ZZEF1: variants seen among roughly 807,000 people sequenced by gnomAD.
ZZEF1 encodes zinc finger ZZ-type and EF-hand domain containing 1, also known as zinc finger ZZ-type and EF-hand domain-containing protein 1.
In ZZEF1, 157 loss-of-function variants were observed where a neutral mutation model predicts 342.8. The ratio of observed to expected loss-of-function variants is 0.46; its 90% CI spans 0.40 to 0.52. The LOEUF (loss-of-function observed/expected upper bound fraction) is 0.52, where lower values mean the gene tolerates loss of function less well. Ranked by LOEUF, ZZEF1 falls within the 20% of genes least tolerant of loss-of-function variation. ZZEF1 has a pLI of 0.00. For synonymous variants in ZZEF1, 1,505 were observed against 1,429.1 expected (o/e 1.05, Z -1.20); for missense variants, 3,480 against 3,725.6 (o/e 0.93, Z 1.72).
chr17:4,095,176 A>G (rs1397575734), intron 11 of ZZEF1, among the ~76,000 whole-genome samples: 1 of 152,108 alleles, frequency 6.6e-6, no homozygotes, highest in East Asian at 1.9e-4. Context: ...GGGCCCATGA[A>G]GCTGCCCTCT....
chr17:4,014,397 C>T lies in ZZEF1; in HGVS notation c.8264G>A (p.Arg2755Gln), dbSNP rs368428872. ...MSSSSDFQQDRHSFSGSQQKW... is the reference protein window; with the variant it reads ...MSSSSDFQQDQHSFSGSQQKW... ...CTGCTGAGACCCGCTGAAGCTGTGT[C>T]GGTCTTGCTGGAAGTCACTGCTGCT... Residue 2755 changes from arginine to glutamine, a missense_variant, in exon 50 of 55, where the codon CGA (arginine) becomes CAA (glutamine). Transcript: ENST00000381638. The surrounding 1 kb of genome is among the most constrained non-coding windows in gnomAD (Gnocchi z 4.4). The T allele has an allele frequency of 1.9e-5, 31 of 1,614,204 alleles. No individual in the cohort carries two copies. Among genetic ancestry groups the T allele is most frequent in the Non-Finnish European group, 2.5e-5 (30 of 1,180,048 alleles).
chr17:4,099,385 T>C (rs2058089736), intron 9 of ZZEF1, among the ~76,000 whole-genome samples: 1 of 151,982 alleles, frequency 6.6e-6, no homozygotes, highest in African/African-American at 2.4e-5. Flanking sequence ...GCCCAGCTAA[T>C]TTTTTATTTC....
intron 39 of ZZEF1, among the ~76,000 whole-genome samples, chr17:4,037,354 G>A (rs1276209674): frequency 6.6e-6 from 1 of 152,230 alleles, no homozygotes; most frequent in Non-Finnish European, 1.5e-5. Flanking sequence ...AGGCTGCAAT[G>A]AGAATGCAGC....
chr17:4,034,002 G>A lies in ZZEF1; in HGVS notation c.6584+13C>T. On this transcript the variant is annotated intron_variant, in intron 40 of 54. Transcript: ENST00000381638. Reference sequence around the variant, plus strand: ...AGAGGGCAGGTGGTTAGAGGAGCGAGGACCAAGGCTACCTGTCCAGACACA... The same window carrying A: ...AGAGGGCAGGTGGTTAGAGGAGCGAAGACCAAGGCTACCTGTCCAGACACA... The A allele has an allele frequency of 6.2e-7, 1 of 1,611,862 alleles. No homozygotes were observed. Among genetic ancestry groups the A allele is most frequent in the Non-Finnish European group, 8.5e-7 (1 of 1,178,494 alleles).
chr17:4,114,764 T>C (rs988087890), intron 3 of ZZEF1, among the ~76,000 whole-genome samples: 1 of 152,192 alleles, frequency 6.6e-6, no homozygotes, highest in Non-Finnish European at 1.5e-5. Flanking sequence ...CCATCGTCTC[T>C]ATCAGTGCAA....
intron 39 of ZZEF1, among the ~76,000 whole-genome samples, chr17:4,035,674 G>A (rs777385456): frequency 3.9e-5 from 6 of 152,324 alleles, no homozygotes; most frequent in East Asian, 1.9e-4. Flanking sequence ...GCATCTGCGC[G>A]GGGAGTTCAC....
At chr17:4,094,063 G>T (rs2057992243) in intron 11 of ZZEF1, among the ~76,000 whole-genome samples, 2 of 152,080 alleles carry the variant, frequency 1.3e-5, no homozygotes, top group South Asian at 4.1e-4. Flanking sequence ...CTTAAAGCCT[G>T]GTGTGTCTCA....
chr17:4,013,720 A>G, intron 51 of ZZEF1, 106 bp from the exon 52 acceptor site: 1 of 1,246,620 alleles, frequency 8.0e-7, no homozygotes, highest in Non-Finnish European at 1.1e-6. Context: ...TCTACATTTT[A>G]TAAACTGCTC....
intron 2 of ZZEF1, among the ~76,000 whole-genome samples, chr17:4,118,034 G>A (rs2058426509): frequency 6.6e-6 from 1 of 152,148 alleles, no homozygotes; most frequent in African/African-American, 2.4e-5. Flanking sequence ...GGAAAATGAG[G>A]CTCAGGTGAC....
chr17:4,130,622 G>A (rs757612986), intron 1 of ZZEF1, among the ~76,000 whole-genome samples: 8 of 152,058 alleles, frequency 5.3e-5, no homozygotes, highest in Non-Finnish European at 1.0e-4. Flanking sequence ...GAAAGTCAGC[G>A]GGCCAGTTCA....
At chr17:4,071,588 G>C (rs1158101447) in intron 25 of ZZEF1, 1 of 152,792 alleles carries the variant, frequency 6.5e-6, no homozygotes, top group African/African-American at 2.4e-5. Context: ...ACAGAGGAAA[G>C]GACAGAGATG....
intron 4 of ZZEF1, among the ~76,000 whole-genome samples, chr17:4,113,338 A>G (rs966156960): frequency 6.6e-6 from 1 of 152,214 alleles, no homozygotes; most frequent in Non-Finnish European, 1.5e-5. Flanking sequence ...ATTCTTGACC[A>G]CACTATTTCT....
At chr17:4,075,483 C>A in intron 21 of ZZEF1, 54 bp from the exon 22 acceptor site, 1 of 1,579,624 alleles carries the variant, frequency 6.3e-7, no homozygotes, top group Non-Finnish European at 8.6e-7. Context: ...AGACACCTAG[C>A]CACATGCAGC....
At chr17:4,045,015 G>A (rs530203100) in intron 37 of ZZEF1, among the ~76,000 whole-genome samples, 10 of 152,154 alleles carry the variant, frequency 6.6e-5, no homozygotes, top group African/African-American at 2.2e-4. Flanking sequence ...TTAGCTGGGC[G>A]TGGTGGCGTG....
chr17:4,097,277 AAAAAG>A (rs2058053049), intron 9 of ZZEF1, among the ~76,000 whole-genome samples: 1 of 151,798 alleles, frequency 6.6e-6, no homozygotes, highest in South Asian at 2.1e-4. Flanking sequence ...AAAGAAAAAG[AAAAAG>A]AAAAGAAATG....
rs201647571 is a variant in ZZEF1 at position 4,067,159 on chromosome 17, T to G, written c.4155+4A>C. 9 of 1,611,770 alleles carry G rather than the reference T, an allele frequency of 5.6e-6. No individual in the cohort carries two copies. In the East Asian group the frequency reaches 1.8e-4, roughly 32 times the overall value. ...AGCAAAATCACATGCAAAGAAAATC[T>G]TACCATCCATATTCGAATCCCATCT... On this transcript the variant is annotated splice_donor_region_variant and intron_variant, in intron 27 of 54. Coordinates refer to ENST00000381638, the MANE Select transcript of ZZEF1 (RefSeq NM_015113.4).
At chr17:4,037,351 A>T (rs1317289849) in intron 39 of ZZEF1, among the ~76,000 whole-genome samples, 12 of 152,246 alleles carry the variant, frequency 7.9e-5, no homozygotes, top group Admixed American at 7.8e-4. Context: ...GACAGGCTGC[A>T]ATGAGAATGC....
chr17:4,112,055 T>C (rs1467941082), intron 5 of ZZEF1, among the ~76,000 whole-genome samples: 1 of 40,394 alleles, frequency 2.5e-5, no homozygotes, highest in Non-Finnish European at 4.6e-5. Flanking sequence ...TATATATATA[T>C]ATATATATAT....
At chr17:4,025,902 G>A (rs998189791) in intron 42 of ZZEF1, among the ~76,000 whole-genome samples, 3 of 152,212 alleles carry the variant, frequency 2.0e-5, no homozygotes, top group African/African-American at 2.4e-5. Flanking sequence ...ATCTGCAGAC[G>A]ATTTCCAAGC....
Sources: gnomAD v4.1 joint callset for allele counts (sites outside exome capture counted in the v4.1 genomes callset) on GRCh38, gnomAD v4.1.1 for gene constraint, Gnocchi (gnomAD v3.1) non-coding constraint, MANE v1.5 for transcripts, NCBI Gene and HGNC (gene_info 2026-07-23, HGNC 2026-07-21) for gene names.